CDH23: variants seen among roughly 807,000 people sequenced by gnomAD.
CDH23 encodes cadherin related 23, also known as cadherin-23.
In CDH23, 189 loss-of-function variants were observed where a neutral mutation model predicts 317.1. That is an observed-to-expected ratio of 0.60 (90% CI 0.53 to 0.67). The LOEUF is 0.67. CDH23 is among the 30% of genes least tolerant of loss of function. The pLI is 0.00. For synonymous variants in CDH23, 1,839 were observed against 1,876.8 expected (o/e 0.98, Z 0.52); for missense variants, 4,401 against 4,592.4 (o/e 0.96, Z 1.20).
chr10:71,812,379 A>G, intron 66 of CDH23, 101 bp from the exon 67 acceptor site: 1 of 1,603,326 alleles, frequency 6.2e-7, no homozygotes, highest in Non-Finnish European at 8.5e-7. Context: ...GAAAGGCACT[A>G]TATGGCCAGG....
chr10:71,633,943 G>A (rs773483763), intron 11 of CDH23, among the ~76,000 whole-genome samples: 4 of 152,246 alleles, frequency 2.6e-5, no homozygotes, highest in African/African-American at 4.8e-5. Flanking sequence ...GGAATACAAA[G>A]CGGTGTGATT....
rs1327023735 is a variant in CDH23 at position 71,462,776 on chromosome 10, C to T, written c.145+16381C>T. Among the ~76,000 whole-genome samples the T allele has an allele frequency of 2.0e-5, 3 of 152,010 alleles. No homozygotes were observed. In the East Asian group the frequency reaches 5.8e-4, roughly 29 times the overall value. Reference sequence around the variant, plus strand: ...AACTCCTGTTGTACCTGGGAAGCCGCACCTGCCCCTGCCTGCACAGGTGCT... The same window carrying T: ...AACTCCTGTTGTACCTGGGAAGCCGTACCTGCCCCTGCCTGCACAGGTGCT... On this transcript the variant is annotated intron_variant, in intron 3 of 69. Transcript: ENST00000224721.
At chr10:71,443,698 G>A (rs565685044) in intron 2 of CDH23, among the ~76,000 whole-genome samples, 35 of 152,346 alleles carry the variant, frequency 2.3e-4, no homozygotes, top group Admixed American at 2.0e-3. Flanking sequence ...TTGGGAAGCT[G>A]GGATTCTCCT....
At chr10:71,811,258 TGTCGGTGGTGGGGG>T in intron 62 of CDH23, 43 bp from the exon 63 acceptor site, 1 of 1,612,606 alleles carries the variant, frequency 6.2e-7, no homozygotes, top group Non-Finnish European at 8.5e-7. Flanking sequence ...CAGAGCAGAC[TGTCGGTGGTGGGGG>T]AATGGCTGAG....
rs865921327 is a variant in CDH23 at position 71,459,512 on chromosome 10, G to A, written c.145+13117G>A. Reference sequence around the variant, plus strand: ...TAGGTGAGAAGCAGCTCGGGGACAGGAATGATATTCTATGTGGCCAAAGCC... The same window carrying A: ...TAGGTGAGAAGCAGCTCGGGGACAGAAATGATATTCTATGTGGCCAAAGCC... On this transcript the variant is annotated intron_variant, in intron 3 of 69. Transcript: ENST00000224721. Among the ~76,000 whole-genome samples the A allele has an allele frequency of 1.2e-4, 19 of 152,336 alleles. 1 individual carries two copies. Among genetic ancestry groups the A allele is most frequent in the Admixed American group, 3.3e-4 (5 of 15,310 alleles).
In CDH23 at chr10:71,740,723, C is replaced by T. The variant is rs1281389407; in HGVS notation, c.4489-99C>T. 3.3e-6 allele frequency: 5 copies of T among 1,529,464 alleles called. No homozygotes were observed. In the Admixed American group the frequency reaches 8.8e-5, roughly 27 times the overall value. 94.7% of individuals were successfully genotyped at this position (1,529,464 alleles called of 1,614,324 possible). ...TTCTCAGTGAGTCTCTTTGCCCTCC[C>T]AAATGCTCCCCACTGATTGCACAGC... On this transcript the variant is annotated intron_variant, in intron 36 of 69. Coordinates refer to ENST00000224721, the MANE Select transcript of CDH23 (RefSeq NM_022124.6).
chr10:71,654,214 G>T (rs1863313590), intron 14 of CDH23, among the ~76,000 whole-genome samples: 2 of 152,168 alleles, frequency 1.3e-5, no homozygotes, highest in Admixed American at 6.5e-5. Context: ...CCCAAACTTG[G>T]TGGAATGCTC....
In CDH23 at chr10:71,397,755, G is replaced by C. The variant is rs1291686491; in HGVS notation, c.-6+437G>C. Among the ~76,000 whole-genome samples the C allele has an allele frequency of 6.6e-6, 1 of 152,100 alleles. No individual in the cohort carries two copies. The highest frequency in any genetic ancestry group is 1.5e-5 in the Non-Finnish European group (1 of 68,004). On this transcript the variant is annotated intron_variant, in intron 1 of 69. Transcript: ENST00000224721. This position sits in a 1 kb window ranked among gnomAD's most constrained non-coding sequence, Gnocchi z 4.8. ...CCTGGGTCCCCATTTGGACAGTGGG[G>C]ATGGGGTGGGGCGCACCCCTACTGC...
Position 71,707,014 on chromosome 10 carries a change from T to G in CDH23, c.3071T>G (p.Val1024Gly). Residue 1024 changes from valine to glycine, a missense_variant, in exon 26 of 70, where the codon GTG becomes GGG. Transcript: ENST00000224721. Reference sequence around the variant, plus strand: ...TGGCTGAACTGCACGGACAACGACGTGGGCCTCAATGCAGAGCTCAGCTAC... The same window carrying G: ...TGGCTGAACTGCACGGACAACGACGGGGGCCTCAATGCAGAGCTCAGCTAC... The part of the protein sequence containing the change: ...VVWLNCTDND[V>G]GLNAELSYFI... The G allele has an allele frequency of 6.2e-7, 1 of 1,607,430 alleles. No individual in the cohort carries two copies. Among genetic ancestry groups the G allele is most frequent in the Non-Finnish European group, 8.5e-7 (1 of 1,177,106 alleles).
At chr10:71,739,522 CA>C (rs1334999235) in intron 35 of CDH23, 121 bp from the exon 36 acceptor site, 1 of 1,254,434 alleles carries the variant, frequency 8.0e-7, no homozygotes, top group Non-Finnish European at 1.1e-6. Context: ...ACTGCACTCC[CA>C]AAAGCCCTTG....
intron 3 of CDH23, among the ~76,000 whole-genome samples, chr10:71,492,304 C>T (rs1339924262): frequency 6.6e-6 from 1 of 152,208 alleles, no homozygotes; most frequent in African/African-American, 2.4e-5. Flanking sequence ...GAGCTTCTAG[C>T]TCTGTCTATA....
At chr10:71,778,141 G>T in intron 39 of CDH23, 48 bp from the exon 40 acceptor site, 1 of 1,610,036 alleles carries the variant, frequency 6.2e-7, no homozygotes, top group South Asian at 1.1e-5. Flanking sequence ...GGGTGCTGCA[G>T]ACCTACCACC....
intron 9 of CDH23, among the ~76,000 whole-genome samples, chr10:71,581,591 G>A (rs752734449): frequency 6.6e-6 from 1 of 152,226 alleles, no homozygotes; most frequent in Non-Finnish European, 1.5e-5. Context: ...AGAACAAAGA[G>A]GCCTTCAGCA....
At chr10:71,482,883 C>G (rs1852143058) in intron 3 of CDH23, among the ~76,000 whole-genome samples, 1 of 152,142 alleles carries the variant, frequency 6.6e-6, no homozygotes, top group Non-Finnish European at 1.5e-5. Context: ...GGGAGCCATC[C>G]TGAAGTGTTT....
Position 71,806,209 on chromosome 10 carries a change from C to T in CDH23, c.8106C>T (p.Tyr2702=), listed in dbSNP as rs558564568. The change falls in exon 57 of 70, where the codon TAC becomes TAT. Residue 2702 remains tyrosine, a synonymous_variant. Coordinates refer to ENST00000224721, the MANE Select transcript of CDH23 (RefSeq NM_022124.6). ...GCGACCTGGGCCAGCCAGTGCCATA[C>T]GAGACTATGCAGCCGCTGCAGGTGG... The part of the protein sequence containing the change: ...VASDLGQPVP[Y]ETMQPLQVAL... 8.9e-6 allele frequency: 14 copies of T among 1,578,716 alleles called. No individual in the cohort carries two copies. The highest frequency in any genetic ancestry group is 4.0e-5 in the African/African-American group (3 of 74,298).
rs1841038650 is a variant in CDH23 at position 71,784,330 on chromosome 10, G to A, written c.5412G>A (p.Arg1804=). The A allele has an allele frequency of 6.2e-7, 1 of 1,613,954 alleles. No individual in the cohort carries two copies. The highest frequency in any genetic ancestry group is 8.5e-7 in the Non-Finnish European group (1 of 1,179,850). Residue 1804 remains arginine (R), a synonymous_variant, in exon 42 of 70, where the codon CGG becomes CGA. Transcript: ENST00000224721. ...CTGTGGAGGGGGTGCTAAGGGTCCG[G>A]AAGGACGTGGAGCTGGACCGGGAGA... ...ISPVEGVLRV[R]KDVELDRETI... is the part of the protein sequence containing the mutation.
chr10:71,761,890 G>A, intron 38 of CDH23: 2 of 1,614,126 alleles, frequency 1.2e-6, no homozygotes, highest in Non-Finnish European at 1.7e-6. Context: ...TCGAGCTGCG[G>A]TACCACGTCT....
At chr10:71,550,809 C>T (rs1856554618) in intron 6 of CDH23, among the ~76,000 whole-genome samples, 1 of 152,040 alleles carries the variant, frequency 6.6e-6, no homozygotes, top group African/African-American at 2.4e-5. Context: ...TGACACGGGG[C>T]TTGCTAAGCC....
intron 1 of CDH23, among the ~76,000 whole-genome samples, chr10:71,425,232 G>GAGAGAGAGAGAGAGAGAGAGA (rs1849006230): frequency 5.4e-5 from 4 of 73,964 alleles, no homozygotes; most frequent in African/African-American, 1.9e-4. Flanking sequence ...AGAGAGAGAG[G>GAGAGAGAGAGAGAGAGAGAGA]GAGAGAGAGA....
Sources: allele counts gnomAD v4.1 joint callset (sites outside exome capture counted in the v4.1 genomes callset), GRCh38; gene constraint gnomAD v4.1.1; non-coding constraint Gnocchi (gnomAD v3.1); transcripts MANE v1.5; gene names NCBI Gene and HGNC (gene_info 2026-07-23, HGNC 2026-07-21).